Variants in HS6ST3 observed in about 807,000 individuals in gnomAD.
HS6ST3 encodes heparan-sulfate 6-O-sulfotransferase 3.
In HS6ST3, 12 loss-of-function variants were observed where a neutral mutation model predicts 36.7. The observed-to-expected ratio is 0.33, with a 90% CI of 0.21 to 0.53. HS6ST3 has a LOEUF of 0.53. HS6ST3 is among the 20% of genes least tolerant of loss of function. HS6ST3 has a pLI of 0.95. For synonymous variants in HS6ST3, 240 were observed against 257.5 expected, an observed-to-expected ratio of 0.93 and a Z score of 0.65; for missense variants, 584 against 640.9, an observed-to-expected ratio of 0.91 and a Z score of 0.96.
chr13:96,489,840 T>C (rs1164177923), intron 1 of HS6ST3, among the ~76,000 whole-genome samples: 1 of 152,110 alleles, frequency 6.6e-6, no homozygotes, highest in Non-Finnish European at 1.5e-5. Flanking sequence ...ATTTATATCA[T>C]AGCATATCAG....
intron 1 of HS6ST3, among the ~76,000 whole-genome samples, chr13:96,460,204 C>T (rs953406111): frequency 5.3e-5 from 8 of 152,118 alleles, no homozygotes; most frequent in African/African-American, 1.9e-4. Flanking sequence ...CACTACTGTG[C>T]CATTATTAGT....
intron 1 of HS6ST3, among the ~76,000 whole-genome samples, chr13:96,148,164 C>A (rs1318404718): frequency 6.6e-6 from 1 of 152,004 alleles, no homozygotes; most frequent in Non-Finnish European, 1.5e-5. Flanking sequence ...TTTTTGTGAC[C>A]ATAAACATAC....
At chr13:96,101,486 A>G (rs2053818221) in intron 1 of HS6ST3, among the ~76,000 whole-genome samples, 1 of 152,036 alleles carries the variant, frequency 6.6e-6, no homozygotes, top group Admixed American at 6.6e-5. Flanking sequence ...ACATGCATGT[A>G]CCTTTTGGTG....
intron 1 of HS6ST3, among the ~76,000 whole-genome samples, chr13:96,522,275 T>C (rs1485274602): frequency 6.6e-6 from 1 of 152,198 alleles, no homozygotes; most frequent in Non-Finnish European, 1.5e-5. Context: ...TCCAATTATG[T>C]GGTCAATTTT....
chr13:96,606,912 A>C (rs2056441171), intron 1 of HS6ST3, among the ~76,000 whole-genome samples: 1 of 152,230 alleles, frequency 6.6e-6, no homozygotes, highest in Non-Finnish European at 1.5e-5. Flanking sequence ...TTTAAAGCTC[A>C]AAAATAAACA....
chr13:96,534,081 T>TC lies in HS6ST3; in HGVS notation c.708-298407dup, dbSNP rs1222725425. Among the ~76,000 whole-genome samples the TC allele has an allele frequency of 3.0e-4, 45 of 152,272 alleles. No individual in the cohort carries two copies. The Middle Eastern group carries it at 0.01, about 35-fold the overall frequency. ...ATCACACATTATTCCTCCCTCAGAC[T>TC]CCAAGTTAGGGGGAAATAAGACCAC... On this transcript the variant is annotated intron_variant, in intron 1 of 1. Transcript: ENST00000376705.
intron 1 of HS6ST3, among the ~76,000 whole-genome samples, chr13:96,724,756 T>C (rs1192037883): frequency 6.6e-6 from 1 of 152,206 alleles, no homozygotes; most frequent in Admixed American, 6.5e-5. Flanking sequence ...ATGCCATTAT[T>C]TGTTTATTCA....
chr13:96,389,481 C>A (rs140793722), intron 1 of HS6ST3, among the ~76,000 whole-genome samples: 93 of 151,900 alleles, frequency 6.1e-4, no homozygotes, highest in African/African-American at 2.2e-3. Context: ...TCATTTATAC[C>A]CCTTGCTCCA....
chr13:96,091,448 C>T lies in HS6ST3; in HGVS notation c.586C>T (p.Leu196Phe). The T allele has an allele frequency of 1.2e-6, 2 of 1,611,104 alleles. No homozygotes were observed. Among genetic ancestry groups the T allele is most frequent in the Non-Finnish European group, 1.7e-6 (2 of 1,179,222 alleles). ...CCGGCCTGGCAAGAAGGAGACGTGGCTCTTCTCCCGCTTCTCCACCGGCTG... is the reference window on the plus strand; with the variant it reads ...CCGGCCTGGCAAGAAGGAGACGTGGTTCTTCTCCCGCTTCTCCACCGGCTG... ...CHRPGKKETW[L>F]FSRFSTGWSC... The change falls in exon 1 of 2, where the codon CTC (leucine) becomes TTC (phenylalanine). Residue 196 changes from leucine to phenylalanine, a missense_variant. Leu to Phe is a conservative substitution (Grantham distance 22). This residue lies in a region of HS6ST3 where 360 missense variants were observed against 411.3 expected (regional missense o/e 0.88). Coordinates refer to ENST00000376705, the MANE Select transcript of HS6ST3 (RefSeq NM_153456.4).
intron 1 of HS6ST3, among the ~76,000 whole-genome samples, chr13:96,197,721 G>A (rs1594712755): frequency 6.6e-6 from 1 of 152,148 alleles, no homozygotes; most frequent in South Asian, 2.1e-4. Flanking sequence ...AAACAAAGGG[G>A]TTACAGGGCC....
chr13:96,229,337 G>A (rs993721768), intron 1 of HS6ST3, among the ~76,000 whole-genome samples: 1 of 152,066 alleles, frequency 6.6e-6, no homozygotes, highest in African/African-American at 2.4e-5. Flanking sequence ...CATTAGTCAG[G>A]TCAGGCTGCT....
intron 1 of HS6ST3, among the ~76,000 whole-genome samples, chr13:96,723,678 CA>C (rs1875914601): frequency 6.6e-6 from 1 of 152,170 alleles, no homozygotes; most frequent in Admixed American, 6.5e-5. Context: ...ATTCACAGCC[CA>C]CCCATGGATA....
chr13:96,651,614 A>G (rs983785938), intron 1 of HS6ST3, among the ~76,000 whole-genome samples: 1 of 152,068 alleles, frequency 6.6e-6, no homozygotes, highest in African/African-American at 2.4e-5. Flanking sequence ...TTAAAATTAG[A>G]TAAAAAACTT....
intron 1 of HS6ST3, among the ~76,000 whole-genome samples, chr13:96,695,290 C>A (rs1165913911): frequency 1.3e-5 from 2 of 152,154 alleles, no homozygotes; most frequent in Non-Finnish European, 2.9e-5. Flanking sequence ...TTGTGATGGA[C>A]AGTCTCCTTT....
chr13:96,149,635 T>G (rs933725217), intron 1 of HS6ST3, among the ~76,000 whole-genome samples: 5 of 152,170 alleles, frequency 3.3e-5, no homozygotes, highest in Non-Finnish European at 5.9e-5. Context: ...TTGGATCAAT[T>G]AAAGAAAATA....
intron 1 of HS6ST3, among the ~76,000 whole-genome samples, chr13:96,201,613 T>A (rs998898946): frequency 6.6e-6 from 1 of 152,088 alleles, no homozygotes; most frequent in Admixed American, 6.6e-5. Context: ...CTTCTTAGAG[T>A]GTAAGCTTTA....
intron 1 of HS6ST3, among the ~76,000 whole-genome samples, chr13:96,177,186 G>A (rs551159190): frequency 6.6e-6 from 1 of 152,282 alleles, no homozygotes; most frequent in Admixed American, 6.5e-5. Flanking sequence ...GTGTAAATTA[G>A]TTCAACCATT....
At chr13:96,263,480 A>G (rs1033834643) in intron 1 of HS6ST3, among the ~76,000 whole-genome samples, 1 of 152,220 alleles carries the variant, frequency 6.6e-6, no homozygotes, top group Non-Finnish European at 1.5e-5. Context: ...GAATCATAAT[A>G]TTTATTATAA....
intron 1 of HS6ST3, among the ~76,000 whole-genome samples, chr13:96,583,453 C>A (rs1011621535): frequency 6.6e-6 from 1 of 151,718 alleles, no homozygotes; most frequent in Non-Finnish European, 1.5e-5. Context: ...ACCTCATGAT[C>A]CGCCCACCTC....
Sources: gnomAD v4.1 joint callset for allele counts (sites outside exome capture counted in the v4.1 genomes callset) on GRCh38, gnomAD v4.1.1 for gene constraint, gnomAD v4.1.1 regional missense constraint, MANE v1.5 for transcripts, NCBI Gene and HGNC (gene_info 2026-07-23, HGNC 2026-07-21) for gene names.